The following MED13L variants were observed in gnomAD, a reference collection of about 807,000 sequenced individuals.
The protein encoded by MED13L is mediator of RNA polymerase II transcription subunit 13-like.
Under a neutral mutation model 220.9 loss-of-function variants are expected in MED13L, and 7 were observed. The ratio of observed to expected loss-of-function variants is 0.03; its 90% CI spans 0.02 to 0.06. The LOEUF (loss-of-function observed/expected upper bound fraction) is 0.06. Among genes scored for constraint, MED13L ranks in the 10% least tolerant of loss-of-function variants. MED13L has a pLI of 1.00. For synonymous variants in MED13L, 1,011 were observed against 1,015.2 expected, an observed-to-expected ratio of 1.00 and a Z score of 0.08; for missense variants, 1,965 against 2,760.5, an observed-to-expected ratio of 0.71 and a Z score of 6.46.
At chr12:116,117,195 T>C (rs536208086) in intron 2 of MED13L, among the ~76,000 whole-genome samples, 4 of 152,152 alleles carry the variant, frequency 2.6e-5, no homozygotes, top group Admixed American at 2.0e-4. Context: ...ACTCAGACTA[T>C]GTGCTGTATG....
intron 2 of MED13L, among the ~76,000 whole-genome samples, chr12:116,204,327 C>A (rs777659601): frequency 3.9e-5 from 6 of 152,178 alleles, no homozygotes; most frequent in Admixed American, 3.3e-4. Context: ...TCAGGAGCTG[C>A]CAGACGTAAA....
chr12:116,054,655 C>T (rs887403168), intron 4 of MED13L, among the ~76,000 whole-genome samples: 2 of 152,164 alleles, frequency 1.3e-5, no homozygotes, highest in African/African-American at 4.8e-5. Context: ...TTAAGTGATA[C>T]AATCATCAGT....
At chr12:116,179,557 C>CA (rs58271467) in intron 2 of MED13L, among the ~76,000 whole-genome samples, 2 of 151,372 alleles carry the variant, frequency 1.3e-5, no homozygotes, top group Non-Finnish European at 3.0e-5. Context: ...ATAGGGACTG[C>CA]GAGCTATGAT....
At chr12:116,263,046 G>A (rs575028155) in intron 1 of MED13L, among the ~76,000 whole-genome samples, 11 of 152,218 alleles carry the variant, frequency 7.2e-5, no homozygotes, top group African/African-American at 2.6e-4. Flanking sequence ...TATCTCAGGA[G>A]GCAAATATTT....
chr12:116,143,521 A>C (rs1392052106), intron 2 of MED13L, among the ~76,000 whole-genome samples: 1 of 152,214 alleles, frequency 6.6e-6, no homozygotes, highest in Non-Finnish European at 1.5e-5. Context: ...TACAGGAACA[A>C]CATTAAGTAC....
At chr12:116,209,948 A>G (rs990690774) in intron 2 of MED13L, among the ~76,000 whole-genome samples, 1 of 152,174 alleles carries the variant, frequency 6.6e-6, no homozygotes, top group Non-Finnish European at 1.5e-5. Flanking sequence ...TATTCTTCTA[A>G]AAGTTCTAAG....
chr12:116,125,030 CTA>C (rs1356345114), intron 2 of MED13L, among the ~76,000 whole-genome samples: 1 of 152,114 alleles, frequency 6.6e-6, no homozygotes, highest in African/African-American at 2.4e-5. Flanking sequence ...TTCTACAACA[CTA>C]TTGATTTTTA....
intron 9 of MED13L, among the ~76,000 whole-genome samples, chr12:116,009,742 G>A (rs945774494): frequency 5.3e-5 from 8 of 152,238 alleles, no homozygotes; most frequent in African/African-American, 1.9e-4. Context: ...ACAGACACAC[G>A]TTAAAATGAC....
At chr12:116,093,553 T>C (rs1872415511) in intron 4 of MED13L, among the ~76,000 whole-genome samples, 1 of 152,044 alleles carries the variant, frequency 6.6e-6, no homozygotes. Context: ...AATCATATGC[T>C]ATTATTCTAA....
At chr12:116,020,224 A>G (rs1433358600) in intron 5 of MED13L, among the ~76,000 whole-genome samples, 2 of 152,172 alleles carry the variant, frequency 1.3e-5, no homozygotes, top group Non-Finnish European at 2.9e-5. Flanking sequence ...CTTAGCCACA[A>G]AAGTATGATA....
At chr12:115,972,042 A>G (rs1161156973) in intron 26 of MED13L, 36 bp downstream of exon 26, 1 of 1,607,830 alleles carries the variant, frequency 6.2e-7, no homozygotes, top group Non-Finnish European at 8.5e-7. Flanking sequence ...AATTGATGTG[A>G]TATGTAATTA....
At chr12:116,002,679 A>ATT (rs1566003627) in intron 14 of MED13L, among the ~76,000 whole-genome samples, 1 of 152,242 alleles carries the variant, frequency 6.6e-6, no homozygotes, top group Non-Finnish European at 1.5e-5. Context: ...TCAGTTTGAA[A>ATT]AATCACTTGT....
chr12:116,097,047 C>T (rs1460528668), intron 3 of MED13L, among the ~76,000 whole-genome samples: 3 of 152,188 alleles, frequency 2.0e-5, no homozygotes, highest in African/African-American at 4.8e-5. Flanking sequence ...AATAAAATCA[C>T]ACTTCTGCAT....
At chr12:116,078,012 C>T (rs1371780545) in intron 4 of MED13L, among the ~76,000 whole-genome samples, 1 of 151,808 alleles carries the variant, frequency 6.6e-6, no homozygotes, top group African/African-American at 2.4e-5. Flanking sequence ...GGCATGGTGG[C>T]ACCTAACTGT....
chr12:116,180,931 CTTTT>C (rs11320330), intron 2 of MED13L, among the ~76,000 whole-genome samples: 15 of 121,114 alleles, frequency 1.2e-4, no homozygotes, highest in Admixed American at 3.4e-4. Flanking sequence ...TTCTCTCTCT[CTTTT>C]TTTTTTTTTT....
At chr12:116,202,574 A>G (rs1252561749) in intron 2 of MED13L, among the ~76,000 whole-genome samples, 1 of 152,148 alleles carries the variant, frequency 6.6e-6, no homozygotes, top group Non-Finnish European at 1.5e-5. Flanking sequence ...CTTATTAGAG[A>G]TCAGTTAGAA....
At chr12:116,175,954 C>G (rs1036152305) in intron 2 of MED13L, among the ~76,000 whole-genome samples, 1 of 152,018 alleles carries the variant, frequency 6.6e-6, no homozygotes, top group African/African-American at 2.4e-5. Flanking sequence ...TCGAAAATAT[C>G]AGAATGGAGC....
intron 17 of MED13L, among the ~76,000 whole-genome samples, chr12:115,988,822 A>C (rs1306793921): frequency 6.6e-6 from 1 of 152,150 alleles, no homozygotes; most frequent in Non-Finnish European, 1.5e-5. Context: ...ATGCACACAG[A>C]CTGCTTTTCT....
intron 30 of MED13L, 76 bp downstream of exon 30, chr12:115,963,331 A>G: frequency 8.0e-7 from 1 of 1,243,506 alleles, no homozygotes; most frequent in South Asian, 1.2e-5. Flanking sequence ...CACTTAGATT[A>G]AAACACCTTG....
Sources: gnomAD v4.1 joint callset for allele counts (sites outside exome capture counted in the v4.1 genomes callset) on GRCh38, gnomAD v4.1.1 for gene constraint, MANE v1.5 for transcripts, NCBI Gene and HGNC (gene_info 2026-07-23, HGNC 2026-07-21) for gene names.